The following TRDN variants were observed in gnomAD, a reference collection of about 807,000 sequenced individuals.
TRDN encodes triadin in skeletal muscle.
A neutral mutation model predicts 149.7 loss-of-function variants in TRDN; 161 were observed. The observed-to-expected ratio is 1.08, with a 90% confidence interval of 0.95 to 1.23. The LOEUF is 1.23. Among genes scored for constraint, TRDN ranks in the 50% most tolerant of loss-of-function variants. TRDN has a pLI of 0.00. For missense variants in TRDN, 896 were observed against 823.5 expected (o/e 1.09, Z -1.08); for synonymous variants, 294 against 250.5 (o/e 1.17, Z -1.64).
chr6:123,274,752 T>A, intron 26 of TRDN, 82 bp from the exon 27 acceptor site: 1 of 1,359,684 alleles, frequency 7.4e-7, no homozygotes, highest in Non-Finnish European at 1.0e-6. Flanking sequence ...TAATTTTATT[T>A]GGTTATCATA....
At chr6:123,522,436 A>G (rs895663823) in intron 5 of TRDN, among the ~76,000 whole-genome samples, 4 of 36,080 alleles carry the variant, frequency 1.1e-4, no homozygotes, top group African/African-American at 3.7e-4. Flanking sequence ...AAACAACTAC[A>G]TGGGGGGGGA....
chr6:123,433,141 TAA>T (rs777839196), intron 12 of TRDN, among the ~76,000 whole-genome samples: 20,442 of 69,994 alleles, frequency 0.29, 2,141 homozygotes, highest in African/African-American at 0.41. Context: ...CCACACATCA[TAA>T]ATATATATAT....
chr6:123,366,706 CG>C (rs1281939620), intron 19 of TRDN, among the ~76,000 whole-genome samples: 1 of 151,818 alleles, frequency 6.6e-6, no homozygotes, highest in Non-Finnish European at 1.5e-5. Context: ...TTAGTAGAGA[CG>C]GGGTTTCACC....
chr6:123,597,833 A>G (rs1784106496), intron 1 of TRDN, among the ~76,000 whole-genome samples: 2 of 152,116 alleles, frequency 1.3e-5, no homozygotes, highest in South Asian at 2.1e-4. Context: ...TATAGTGTAG[A>G]TATAACTTTT....
chr6:123,614,300 C>CAAAAAAAAA (rs1199509406), intron 1 of TRDN, among the ~76,000 whole-genome samples: 20 of 99,832 alleles, frequency 2.0e-4, no homozygotes, highest in East Asian at 6.3e-4. Flanking sequence ...AAAAAAAAAA[C>CAAAAAAAAA]AAAAAAAAAA....
intron 9 of TRDN, among the ~76,000 whole-genome samples, chr6:123,482,839 T>C (rs966637846): frequency 3.9e-5 from 6 of 152,026 alleles, no homozygotes; most frequent in African/African-American, 1.4e-4. Flanking sequence ...AAGTGGTTTA[T>C]AGGTGACACT....
At chr6:123,588,096 C>G (rs570513934) in intron 1 of TRDN, among the ~76,000 whole-genome samples, 2 of 152,150 alleles carry the variant, frequency 1.3e-5, no homozygotes, top group Admixed American at 6.5e-5. Flanking sequence ...TATCAGACCC[C>G]AAAAGGTGCT....
intron 10 of TRDN, among the ~76,000 whole-genome samples, chr6:123,452,335 T>C (rs188071481): frequency 2.0e-4 from 31 of 152,238 alleles, no homozygotes; most frequent in Admixed American, 1.1e-3. Flanking sequence ...TATGATCTTT[T>C]ACCTTGAAAA....
chr6:123,635,906 A>G (rs1041138446), intron 1 of TRDN, among the ~76,000 whole-genome samples: 1 of 151,840 alleles, frequency 6.6e-6, no homozygotes, highest in African/African-American at 2.4e-5. Flanking sequence ...GTACATATAT[A>G]TATGAAGTAT....
intron 12 of TRDN, among the ~76,000 whole-genome samples, chr6:123,399,197 T>C (rs890821079): frequency 1.3e-5 from 2 of 152,176 alleles, no homozygotes; most frequent in African/African-American, 4.8e-5. Context: ...AATCTACCTA[T>C]AGATGTTACA....
At chr6:123,449,598 G>T (rs999621647) in intron 10 of TRDN, among the ~76,000 whole-genome samples, 9 of 152,062 alleles carry the variant, frequency 5.9e-5, no homozygotes, top group Admixed American at 3.3e-4. Flanking sequence ...AAGAATAATC[G>T]GTTTTCCTGA....
In TRDN at chr6:123,259,640, A is replaced by C; in HGVS notation, c.1854T>G (p.Ser618=). The C allele has an allele frequency of 6.8e-7, 1 of 1,472,122 alleles. No individual in the cohort carries two copies. The highest frequency in any genetic ancestry group is 1.4e-5 in the African/African-American group (1 of 70,498). The allele number at this position is 1,472,122 out of a possible 1,614,324, so 91.2% of individuals were successfully genotyped here. ...CATTTTTACCTTTACTTTCTTTTTC[A>C]GATATTTCAGTTTTCTTCTTTCCTA... The part of the protein sequence containing the change: ...TESGKKKTEI[S]EKESKEKADM... The change falls in exon 35 of 41, where the codon TCT becomes TCG. Residue 618 remains serine, a synonymous_variant. Transcript: ENST00000334268.
intron 4 of TRDN, among the ~76,000 whole-genome samples, chr6:123,537,777 A>G (rs1253641778): frequency 6.6e-6 from 1 of 152,124 alleles, no homozygotes; most frequent in Non-Finnish European, 1.5e-5. Context: ...GTGAAAATAG[A>G]TTGTATCAGT....
intron 13 of TRDN, among the ~76,000 whole-genome samples, chr6:123,391,778 C>T (rs1582958990): frequency 6.6e-6 from 1 of 151,952 alleles, no homozygotes; most frequent in East Asian, 1.9e-4. Flanking sequence ...TCTAATCTAG[C>T]CTTTTACCAT....
At chr6:123,526,440 A>C (rs912255076) in intron 5 of TRDN, among the ~76,000 whole-genome samples, 3 of 152,058 alleles carry the variant, frequency 2.0e-5, no homozygotes, top group African/African-American at 7.2e-5. Context: ...ACCAAAGAAC[A>C]AAAAGAAGAA....
rs796737233 is a variant in TRDN at position 123,585,793 on chromosome 6, G to A, written c.23-14661C>T. 1.2e-3 allele frequency among the ~76,000 whole-genome samples: 188 copies of A among 152,146 alleles called. 2 individuals carry two copies. The highest frequency in any genetic ancestry group is 1.8e-3 in the Admixed American group (27 of 15,280). On this transcript the variant is annotated intron_variant, in intron 1 of 40. Transcript: ENST00000334268. ...GGAGGTTCTGGAGGAACGCCTGCCC[G>A]CTGTGGTTCAGGCATTTGGAAGTTC...
At chr6:123,555,815 A>C (rs865862294) in intron 2 of TRDN, among the ~76,000 whole-genome samples, 3 of 152,166 alleles carry the variant, frequency 2.0e-5, no homozygotes, top group Admixed American at 2.0e-4. Context: ...ATTTGAGAGG[A>C]ACAAAGGTAA....
intron 23 of TRDN, among the ~76,000 whole-genome samples, chr6:123,322,562 G>A (rs1475720845): frequency 1.3e-5 from 2 of 151,142 alleles, no homozygotes; most frequent in Non-Finnish European, 2.9e-5. Context: ...TTATTGAAGG[G>A]AGCATTGGCG....
At chr6:123,603,458 A>T (rs1583311610) in intron 1 of TRDN, among the ~76,000 whole-genome samples, 1 of 151,208 alleles carries the variant, frequency 6.6e-6, no homozygotes, top group East Asian at 2.0e-4. Context: ...TTATTTTGGT[A>T]TTTGTTTTGT....
Sources: gnomAD v4.1 joint callset for allele counts (sites outside exome capture counted in the v4.1 genomes callset) on GRCh38, gnomAD v4.1.1 for gene constraint, MANE v1.5 for transcripts, NCBI Gene and HGNC (gene_info 2026-07-23, HGNC 2026-07-21) for gene names.